CPNE4: variants seen among roughly 807,000 people sequenced by gnomAD.
CPNE4 encodes copine-4.
In CPNE4, 25 loss-of-function variants were observed where a neutral mutation model predicts 67.9. The observed-to-expected ratio is 0.37, with a 90% CI of 0.27 to 0.51. The LOEUF (loss-of-function observed/expected upper bound fraction) is 0.51, where lower values mean the gene tolerates loss of function less well. Ranked by LOEUF, CPNE4 falls within the 20% of genes least tolerant of loss-of-function variation. CPNE4 has a pLI of 0.93. For missense variants in CPNE4, 464 were observed against 690.8 expected (o/e 0.67, Z 3.68); for synonymous variants, 242 against 244.9 (o/e 0.99, Z 0.11).
At chr3:131,655,650 CG>C (rs779804548) in intron 7 of CPNE4, among the ~76,000 whole-genome samples, 11 of 151,686 alleles carry the variant, frequency 7.3e-5, no homozygotes, top group Non-Finnish European at 2.9e-5. Flanking sequence ...AAACCGACGT[CG>C]GGGGGCAGGG....
At chr3:131,971,102 G>T (rs1229487412) in intron 1 of CPNE4, among the ~76,000 whole-genome samples, 1 of 152,218 alleles carries the variant, frequency 6.6e-6, no homozygotes, top group Non-Finnish European at 1.5e-5. Flanking sequence ...GTCCAAGATG[G>T]TTACAGTCAC....
At chr3:131,901,967 T>C (rs1433194750) in intron 2 of CPNE4, among the ~76,000 whole-genome samples, 2 of 152,132 alleles carry the variant, frequency 1.3e-5, no homozygotes, top group Non-Finnish European at 2.9e-5. Flanking sequence ...GTTCCTGTTG[T>C]TCATCCCTGG....
At chr3:131,609,235 G>T (rs1939681084) in intron 7 of CPNE4, among the ~76,000 whole-genome samples, 1 of 152,156 alleles carries the variant, frequency 6.6e-6, no homozygotes, top group Non-Finnish European at 1.5e-5. Context: ...CAGCTAACAA[G>T]GAACTTTGTA....
chr3:131,762,574 GA>G (rs1261049068), intron 2 of CPNE4, among the ~76,000 whole-genome samples: 3 of 151,596 alleles, frequency 2.0e-5, no homozygotes, highest in Non-Finnish European at 4.4e-5. Context: ...GAATGTGAGA[GA>G]AAAAAAACGT....
At chr3:131,849,456 T>C (rs1201028923) in intron 2 of CPNE4, among the ~76,000 whole-genome samples, 1 of 151,308 alleles carries the variant, frequency 6.6e-6, no homozygotes, top group Non-Finnish European at 1.5e-5. Flanking sequence ...GAGAAGGGGG[T>C]GATGCTACAT....
At chr3:131,565,659 A>G (rs1170227908) in intron 10 of CPNE4, among the ~76,000 whole-genome samples, 1 of 151,966 alleles carries the variant, frequency 6.6e-6, no homozygotes, top group Non-Finnish European at 1.5e-5. Context: ...TTCTTTCATG[A>G]AATTACGTGT....
At chr3:131,728,648 C>T (rs898168259) in intron 2 of CPNE4, among the ~76,000 whole-genome samples, 6 of 152,010 alleles carry the variant, frequency 3.9e-5, no homozygotes, top group Non-Finnish European at 8.8e-5. Context: ...CAGTGGCTCA[C>T]GCCTATAATC....
intron 7 of CPNE4, among the ~76,000 whole-genome samples, chr3:131,612,877 A>G (rs189518862): frequency 2.5e-4 from 38 of 152,322 alleles, no homozygotes; most frequent in Admixed American, 2.2e-3. Context: ...TGATGGTAGC[A>G]TGTGTGCTAG....
intron 5 of CPNE4, among the ~76,000 whole-genome samples, chr3:131,691,142 TTG>T (rs138198421): frequency 6.6e-6 from 1 of 152,210 alleles, no homozygotes; most frequent in African/African-American, 2.4e-5. Flanking sequence ...GGAAAGCAGT[TTG>T]GAGATTTCTT....
At chr3:131,853,510 C>A (rs2086317441) in intron 2 of CPNE4, among the ~76,000 whole-genome samples, 1 of 151,304 alleles carries the variant, frequency 6.6e-6, no homozygotes. Context: ...TTGGGAAAGA[C>A]AATTATTTCT....
intron 2 of CPNE4, among the ~76,000 whole-genome samples, chr3:131,845,317 AC>A (rs2085955136): frequency 6.6e-6 from 1 of 152,188 alleles, no homozygotes; most frequent in Non-Finnish European, 1.5e-5. Flanking sequence ...ACTATTTACA[AC>A]CTTCTTCACA....
At chr3:131,644,421 AT>A (rs1345321485) in intron 7 of CPNE4, among the ~76,000 whole-genome samples, 2 of 152,186 alleles carry the variant, frequency 1.3e-5, no homozygotes, top group East Asian at 3.9e-4. Flanking sequence ...TGCTGGGATT[AT>A]AGGTGTGAGC....
At chr3:131,715,974 C>T (rs1472521905) in intron 3 of CPNE4, among the ~76,000 whole-genome samples, 2 of 152,124 alleles carry the variant, frequency 1.3e-5, no homozygotes, top group East Asian at 1.9e-4. Context: ...CCTATGTCCT[C>T]GTGATGCATC....
intron 7 of CPNE4, among the ~76,000 whole-genome samples, chr3:131,613,131 T>G (rs1030306937): frequency 6.6e-6 from 1 of 152,154 alleles, no homozygotes; most frequent in Non-Finnish European, 1.5e-5. Context: ...GGAAGTTGAG[T>G]TACCTTGAAA....
At chr3:131,758,451 C>G (rs1482159720) in intron 2 of CPNE4, among the ~76,000 whole-genome samples, 2 of 152,164 alleles carry the variant, frequency 1.3e-5, no homozygotes, top group Non-Finnish European at 2.9e-5. Context: ...TGGATTTACT[C>G]AATACCTGTA....
At chr3:131,863,847 T>C (rs1354688582) in intron 2 of CPNE4, among the ~76,000 whole-genome samples, 1 of 152,244 alleles carries the variant, frequency 6.6e-6, no homozygotes, top group African/African-American at 2.4e-5. Flanking sequence ...AGGTCTGACA[T>C]TTAAGTCTTT....
intron 7 of CPNE4, among the ~76,000 whole-genome samples, chr3:131,619,825 G>T (rs894796600): frequency 3.9e-5 from 6 of 152,148 alleles, no homozygotes; most frequent in Non-Finnish European, 7.3e-5. Context: ...ATACGATCAA[G>T]TCATTTTGGG....
At chr3:131,895,240 T>C (rs2088281271) in intron 2 of CPNE4, among the ~76,000 whole-genome samples, 1 of 152,008 alleles carries the variant, frequency 6.6e-6, no homozygotes, top group Non-Finnish European at 1.5e-5. Context: ...GATGAGATGT[T>C]GGTCAATGGG....
chr3:131,962,241 G>C (rs1583522696), intron 1 of CPNE4, among the ~76,000 whole-genome samples: 1 of 152,190 alleles, frequency 6.6e-6, no homozygotes, highest in South Asian at 2.1e-4. Flanking sequence ...TGCCTAACAA[G>C]TGCCTACTAT....
Sources: gnomAD v4.1 joint callset for allele counts (sites outside exome capture counted in the v4.1 genomes callset) on GRCh38, gnomAD v4.1.1 for gene constraint, MANE v1.5 for transcripts, NCBI Gene and HGNC (gene_info 2026-07-23, HGNC 2026-07-21) for gene names.